SIK3: variants seen among roughly 807,000 people sequenced by gnomAD.
SIK3 encodes the protein SIK family kinase 3.
SIK3 carries 28 observed loss-of-function variants against 144.2 expected under a neutral mutation model. The ratio of observed to expected loss-of-function variants is 0.19; its 90% CI spans 0.14 to 0.27. SIK3 has a LOEUF of 0.27. SIK3 is among the 10% of genes least tolerant of loss of function. The pLI, the probability that SIK3 is intolerant of heterozygous loss-of-function variation, is 1.00. For synonymous variants in SIK3, 686 were observed against 676.3 expected (o/e 1.01, Z -0.22); for missense variants, 1,319 against 1,776.0 (o/e 0.74, Z 4.62).
At chr11:116,870,552 C>T in intron 13 of SIK3, 151 bp from the exon 14 acceptor site, 1 of 957,054 alleles carries the variant, frequency 1.0e-6, no homozygotes, top group Non-Finnish European at 1.5e-6. Flanking sequence ...TTTTCATATA[C>T]CTATTTTTCC....
chr11:117,021,091 T>C (rs564270396), intron 1 of SIK3, among the ~76,000 whole-genome samples: 114 of 152,308 alleles, frequency 7.5e-4, no homozygotes, highest in African/African-American at 2.7e-3. Flanking sequence ...GCAGAACTGG[T>C]TGACTGCTTG....
At chr11:116,922,907 C>CTTTTT (rs202058609) in intron 4 of SIK3, among the ~76,000 whole-genome samples, 5 of 102,174 alleles carry the variant, frequency 4.9e-5, no homozygotes, top group Admixed American at 1.1e-4. Flanking sequence ...TTTCTTTTCT[C>CTTTTT]TTTTTTTTTT....
intron 21 of SIK3, among the ~76,000 whole-genome samples, chr11:116,851,143 T>C (rs1204699479): frequency 1.3e-5 from 2 of 152,222 alleles, no homozygotes; most frequent in Non-Finnish European, 2.9e-5. Flanking sequence ...AAGAAGACTA[T>C]CAAAGCCACA....
At chr11:116,983,573 A>C (rs1435282668) in intron 1 of SIK3, among the ~76,000 whole-genome samples, 2 of 152,146 alleles carry the variant, frequency 1.3e-5, no homozygotes, top group Non-Finnish European at 2.9e-5. Flanking sequence ...TCTGTATTTT[A>C]ATAAGGCAGC....
At chr11:116,898,853 T>C (rs901380904) in intron 4 of SIK3, among the ~76,000 whole-genome samples, 17 of 151,520 alleles carry the variant, frequency 1.1e-4, no homozygotes, top group Non-Finnish European at 1.8e-4. Context: ...TTGAGTTCAT[T>C]GTAGATTCTG....
At chr11:117,093,134 A>G (rs774619437) in intron 1 of SIK3, among the ~76,000 whole-genome samples, 3 of 152,140 alleles carry the variant, frequency 2.0e-5, no homozygotes, top group Non-Finnish European at 4.4e-5. Flanking sequence ...ATCTTCCTCA[A>G]ATGTATCTAA....
At chr11:117,052,730 T>C (rs1454429375) in intron 1 of SIK3, among the ~76,000 whole-genome samples, 1 of 152,218 alleles carries the variant, frequency 6.6e-6, no homozygotes. Flanking sequence ...AATGACTACA[T>C]GCTGTCAGTT....
chr11:117,069,723 A>T (rs1954182365), intron 1 of SIK3, among the ~76,000 whole-genome samples: 1 of 152,054 alleles, frequency 6.6e-6, no homozygotes, highest in African/African-American at 2.4e-5. Flanking sequence ...TATCCCTTCT[A>T]TTTCCAATAT....
At chr11:116,951,864 G>A (rs761715114) in intron 3 of SIK3, among the ~76,000 whole-genome samples, 15 of 151,278 alleles carry the variant, frequency 9.9e-5, no homozygotes, top group Non-Finnish European at 1.8e-4. Flanking sequence ...AGCCCAGGAA[G>A]CTGGGGGTGC....
At chr11:116,897,421 T>A in intron 4 of SIK3, 104 bp from the exon 5 acceptor site, 1 of 1,047,192 alleles carries the variant, frequency 9.5e-7, no homozygotes, top group Admixed American at 2.7e-5. Context: ...TGTCTGAATA[T>A]TAAATGCAAA....
At chr11:116,917,733 AAGAGAGAG>A (rs146697165) in intron 4 of SIK3, among the ~76,000 whole-genome samples, 1 of 147,610 alleles carries the variant, frequency 6.8e-6, no homozygotes, top group Non-Finnish European at 1.5e-5. Flanking sequence ...GAGGAAGGGA[AAGAGAGAG>A]AGAGAGAGAG....
chr11:116,879,524 C>A (rs1330431910), intron 6 of SIK3, among the ~76,000 whole-genome samples: 1 of 152,192 alleles, frequency 6.6e-6, no homozygotes, highest in Non-Finnish European at 1.5e-5. Flanking sequence ...ATAAATTGAT[C>A]TACTTTTCTA....
intron 1 of SIK3, among the ~76,000 whole-genome samples, chr11:117,070,605 C>G (rs370204551): frequency 6.6e-6 from 1 of 152,102 alleles, no homozygotes; most frequent in African/African-American, 2.4e-5. Context: ...CGCCATCACA[C>G]GAGCTAATTT....
At chr11:116,999,292 A>C (rs1241189070) in intron 1 of SIK3, among the ~76,000 whole-genome samples, 1 of 152,232 alleles carries the variant, frequency 6.6e-6, no homozygotes, top group Non-Finnish European at 1.5e-5. Flanking sequence ...CTAACAGAAC[A>C]GACATTTTGT....
intron 1 of SIK3, among the ~76,000 whole-genome samples, chr11:117,076,804 G>A (rs1954563890): frequency 1.3e-5 from 2 of 152,096 alleles, no homozygotes; most frequent in Admixed American, 1.3e-4. Flanking sequence ...GCCTCCCAAA[G>A]TACTGAGATT....
At chr11:116,860,556 GT>G (rs2134417033) in intron 19 of SIK3, among the ~76,000 whole-genome samples, 1 of 152,336 alleles carries the variant, frequency 6.6e-6, no homozygotes, top group South Asian at 2.1e-4. Context: ...TATAAGGAAG[GT>G]TCTGGTAGCT....
At chr11:117,081,014 T>C (rs1203984756) in intron 1 of SIK3, among the ~76,000 whole-genome samples, 1 of 152,086 alleles carries the variant, frequency 6.6e-6, no homozygotes, top group Non-Finnish European at 1.5e-5. Context: ...AAGTATAGTA[T>C]ATCCATAAAA....
Position 116,875,440 on chromosome 11 carries a change from T to C in SIK3, c.1251A>G (p.Ala417=), listed in dbSNP as rs368683440. The change falls in exon 10 of 25, where the codon GCA becomes GCG. Residue 417 remains alanine (A), a synonymous_variant. Coordinates refer to ENST00000445177, the MANE Select transcript of SIK3 (RefSeq NM_001366686.3). The part of the protein sequence containing the change: ...QAPVNIQAEQ[A]GTAMNISVPQ... ...GAACGCTGATGTTCATAGCAGTACC[T>C]GCCTGCTCCGCCTGGAAAGCAGTAC... is the stretch of plus-strand genomic sequence containing the variant. 15 of 1,614,168 alleles carry C rather than the reference T, an allele frequency of 9.3e-6. No homozygotes were observed. The East Asian group carries it at 2.7e-4, about 29-fold the overall frequency.
intron 3 of SIK3, among the ~76,000 whole-genome samples, chr11:116,935,534 G>A (rs1235842311): frequency 6.6e-6 from 1 of 152,040 alleles, no homozygotes; most frequent in East Asian, 1.9e-4. Context: ...AGTATTTCTA[G>A]ACTAAGCATA....
Sources: allele counts gnomAD v4.1 joint callset (sites outside exome capture counted in the v4.1 genomes callset), GRCh38; gene constraint gnomAD v4.1.1; transcripts MANE v1.5; gene names NCBI Gene and HGNC (gene_info 2026-07-23, HGNC 2026-07-21).